PDE1A: variants seen among roughly 807,000 people sequenced by gnomAD.
PDE1A encodes phosphodiesterase 1A, also known as dual specificity calcium/calmodulin-dependent 3',5'-cyclic nucleotide phosphodiesterase 1A.
Under a neutral mutation model 61.7 loss-of-function variants are expected in PDE1A, and 35 were observed. That is an observed-to-expected ratio of 0.57 (90% confidence interval 0.43 to 0.75). The LOEUF (loss-of-function observed/expected upper bound fraction) is 0.75, where lower values mean the gene tolerates loss of function less well. PDE1A is among the 30% of genes least tolerant of loss of function. The pLI is 0.00. For missense variants in PDE1A, 597 were observed against 630.6 expected, an observed-to-expected ratio of 0.95 and a Z score of 0.57; for synonymous variants, 232 against 213.2, an observed-to-expected ratio of 1.09 and a Z score of -0.77.
At chr2:182,454,529 C>T (rs1223560194) in intron 2 of PDE1A, among the ~76,000 whole-genome samples, 5 of 151,996 alleles carry the variant, frequency 3.3e-5, no homozygotes, top group Non-Finnish European at 7.4e-5. Context: ...TACAACAAGG[C>T]TACAGTAACC....
chr2:182,364,476 A>AAAAAAAAAAAC (rs1699709979), intron 1 of PDE1A, among the ~76,000 whole-genome samples: 2 of 131,684 alleles, frequency 1.5e-5, no homozygotes, highest in Non-Finnish European at 3.3e-5. Context: ...TAAAAAAAAA[A>AAAAAAAAAAAC]AAAAAAAAAA....
chr2:182,148,031 A>T (rs1417397531), intron 13 of PDE1A, among the ~76,000 whole-genome samples: 2 of 152,222 alleles, frequency 1.3e-5, no homozygotes, highest in African/African-American at 4.8e-5. Flanking sequence ...ATTACAAAAC[A>T]ATTTTGTCTT....
chr2:182,644,260 A>ACT, the PDE1A span, among the ~76,000 whole-genome samples: 1 of 57,658 alleles, frequency 1.7e-5, no homozygotes, highest in Non-Finnish European at 3.6e-5. Flanking sequence ...GAGTCTTAAG[A>ACT]CTCTGTGTGT....
the PDE1A span, among the ~76,000 whole-genome samples, chr2:182,607,411 A>C: frequency 6.6e-6 from 1 of 152,244 alleles, no homozygotes; most frequent in Non-Finnish European, 1.5e-5. Context: ...AAGTACACTT[A>C]AAATGAGTGC....
intron 1 of PDE1A, among the ~76,000 whole-genome samples, chr2:182,367,751 A>G (rs1341992696): frequency 6.6e-6 from 1 of 152,110 alleles, no homozygotes; most frequent in African/African-American, 2.4e-5. Context: ...ATATTTTGCC[A>G]TGCACAGATG....
chr2:182,264,311 C>T (rs765923543), exon 2 of PDE1A: 8 of 1,602,894 alleles, frequency 5.0e-6, no homozygotes, highest in East Asian at 4.5e-5. Context: ...CTTGTTTCAT[C>T]GATATAAACT....
At chr2:182,212,047 A>G (rs919826872) in intron 7 of PDE1A, among the ~76,000 whole-genome samples, 1 of 152,084 alleles carries the variant, frequency 6.6e-6, no homozygotes, top group African/African-American at 2.4e-5. Flanking sequence ...ATGATACAAA[A>G]ATTAGTTGTG....
At chr2:182,524,116 T>A (rs2125995022), upstream of PDE1A, among the ~76,000 whole-genome samples, 1 of 152,268 alleles carries the variant, frequency 6.6e-6, no homozygotes, top group South Asian at 2.1e-4. Context: ...AATAAGTGAA[T>A]CTTTGCCCTG....
At chr2:182,540,048 T>A in the PDE1A span, among the ~76,000 whole-genome samples, 6 of 152,288 alleles carry the variant, frequency 3.9e-5, no homozygotes, top group African/African-American at 1.4e-4. Context: ...CATAAATTAC[T>A]GACATCAAAT....
rs184824854 is a variant in PDE1A at position 182,398,301 on chromosome 2, G to A, written c.53+28277C>T. On this transcript the variant is annotated intron_variant, in intron 1 of 13. Transcript: ENST00000351439. ...ATGAATTACAACGCAAACTGTCAAC[G>A]TTAAATATACAACTACTGATCTCTT... is the stretch of plus-strand genomic sequence containing the variant. 4.8e-3 allele frequency among the ~76,000 whole-genome samples: 735 copies of A among 151,704 alleles called. 6 individuals are homozygous for A. Among genetic ancestry groups the A allele is most frequent in the Middle Eastern group, 0.027 (8 of 294 alleles).
At chr2:182,374,165 T>A (rs1382103933) in intron 1 of PDE1A, among the ~76,000 whole-genome samples, 2 of 152,132 alleles carry the variant, frequency 1.3e-5, no homozygotes, top group Non-Finnish European at 2.9e-5. Context: ...TTTTTTCATA[T>A]GTGACATTTA....
chr2:182,561,693 G>T, the PDE1A span, among the ~76,000 whole-genome samples: 1 of 152,152 alleles, frequency 6.6e-6, no homozygotes, highest in South Asian at 2.1e-4. Flanking sequence ...CATGAGCATG[G>T]AATGTTCTTC....
intron 4 of PDE1A, among the ~76,000 whole-genome samples, chr2:182,232,608 C>T (rs945148898): frequency 7.2e-5 from 11 of 152,108 alleles, no homozygotes; most frequent in Admixed American, 6.5e-4. Context: ...GCTTGTATGT[C>T]GTTATTAAAT....
In PDE1A at chr2:182,212,316, T is replaced by G. The variant is rs538367157; in HGVS notation, c.777-6251A>C. 3.4e-3 allele frequency among the ~76,000 whole-genome samples: 516 copies of G among 152,036 alleles called. 2 individuals are homozygous for G. Among genetic ancestry groups the G allele is most frequent in the African/African-American group, 0.012 (502 of 41,418 alleles). ...AGTGGAATGGCTAACTCAGGCTAAT[T>G]AACATATGTGTTACTTCACAATTTA... On this transcript the variant is annotated intron_variant, in intron 7 of 13. Coordinates refer to ENST00000351439, the Ensembl canonical transcript of PDE1A.
At chr2:182,504,630 A>G (rs1310424170) in intron 2 of PDE1A, among the ~76,000 whole-genome samples, 1 of 152,236 alleles carries the variant, frequency 6.6e-6, no homozygotes, top group Non-Finnish European at 1.5e-5. Flanking sequence ...ACTCTCAGTT[A>G]TTAAGCACAT....
At chr2:182,658,160 A>G in the PDE1A span, among the ~76,000 whole-genome samples, 7 of 152,062 alleles carry the variant, frequency 4.6e-5, no homozygotes, top group Non-Finnish European at 7.3e-5. Context: ...GGCTTAAAAT[A>G]TCAGAAAAAT....
chr2:182,491,375 T>C (rs1025526912), intron 2 of PDE1A, among the ~76,000 whole-genome samples: 42 of 152,116 alleles, frequency 2.8e-4, no homozygotes, highest in African/African-American at 8.7e-4. Flanking sequence ...ACTGTGGCAT[T>C]TAAGCTTCTT....
chr2:182,655,758 G>C, the PDE1A span, among the ~76,000 whole-genome samples: 22 of 152,172 alleles, frequency 1.4e-4, no homozygotes, highest in Admixed American at 7.2e-4. Flanking sequence ...GAGAATAAAG[G>C]GTTCAAAATT....
rs367766168 is a variant in PDE1A at position 182,400,935 on chromosome 2, T to C, written c.53+25643A>G. Among the ~76,000 whole-genome samples, 12 of 152,358 alleles carry C rather than the reference T, an allele frequency of 7.9e-5. No individual in the cohort carries two copies. The East Asian group carries it at 1.9e-3, about 24-fold the overall frequency. On this transcript the variant is annotated intron_variant, in intron 1 of 13. Coordinates refer to ENST00000351439, the Ensembl canonical transcript of PDE1A. ...CCAGTTACCAAACATTAATGATTCC[T>C]ATCAGAGAGGAGTTTTTATTATTCC...
Sources: allele counts gnomAD v4.1 joint callset (sites outside exome capture counted in the v4.1 genomes callset), GRCh38; gene constraint gnomAD v4.1.1; transcripts MANE v1.5; gene names NCBI Gene and HGNC (gene_info 2026-07-23, HGNC 2026-07-21).